TTF2: variants seen among roughly 807,000 people sequenced by gnomAD.
The protein encoded by TTF2 is RNA polymerase II termination factor.
Under a neutral mutation model 142.4 loss-of-function variants are expected in TTF2, and 108 were observed. That is an observed-to-expected ratio of 0.76 (90% CI 0.65 to 0.89). The LOEUF is 0.89. TTF2 is among the 40% of genes least tolerant of loss of function. TTF2 has a pLI of 0.00. For synonymous variants in TTF2, 483 were observed against 506.2 expected (o/e 0.95, Z 0.61); for missense variants, 1,327 against 1,379.8 (o/e 0.96, Z 0.61).
At chr1:117,096,629 T>C (rs1276014869) in intron 20 of TTF2, among the ~76,000 whole-genome samples, 3 of 152,214 alleles carry the variant, frequency 2.0e-5, no homozygotes, top group African/African-American at 7.2e-5. Flanking sequence ...CCACCTGCCT[T>C]GGCCTCCCAA....
intron 3 of TTF2, among the ~76,000 whole-genome samples, chr1:117,068,401 G>A (rs979955070): frequency 6.6e-6 from 1 of 152,036 alleles, no homozygotes; most frequent in Admixed American, 6.5e-5. Context: ...TTGTGGGGTT[G>A]GGGGAGAGGG....
At position 117,088,892 on chromosome 1, in the gene TTF2, T is replaced by C. The variant is rs1400051752; in HGVS notation, c.2252T>C (p.Ile751Thr). The change falls in exon 13 of 23, where the codon ATA becomes ACA. Residue 751 changes from isoleucine (I) to threonine (T), a missense_variant. Coordinates refer to ENST00000369466, the MANE Select transcript of TTF2 (RefSeq NM_003594.4). ...NVKNPRVQTS[I>T]AVCKLQACAR... ...AAGAATCCCCGAGTGCAGACTTCCA[T>C]AGCTGTGTGTAAGCTACAAGCCTGT... The C allele has an allele frequency of 1.2e-6, 2 of 1,614,192 alleles. No individual in the cohort carries two copies. Among genetic ancestry groups the C allele is most frequent in the African/African-American group, 1.3e-5 (1 of 75,072 alleles).
In TTF2 at chr1:117,086,574, A is replaced by T; in HGVS notation, c.2160+52A>T. On this transcript the variant is annotated intron_variant, in intron 12 of 22. Transcript: ENST00000369466. This position sits in a 1 kb window ranked among gnomAD's most constrained non-coding sequence, Gnocchi z 4.2. ...TGGAGTTGGAGCCACAGATGGTTTA[A>T]TGGGAGTCTTTCTCAGCCTCCACGA... 7.4e-7 allele frequency: 1 copy of T among 1,359,934 alleles called. No individual in the cohort carries two copies. The highest frequency in any genetic ancestry group is 1.0e-6 in the Non-Finnish European group (1 of 956,254). The allele number at this position is 1,359,934 out of a possible 1,614,324, so 84.2% of individuals were successfully genotyped here.
At chr1:117,082,734 T>C (rs61789118) in intron 10 of TTF2, among the ~76,000 whole-genome samples, 2,822 of 152,292 alleles carry the variant, frequency 0.019, 45 homozygotes, top group Admixed American at 0.029. Context: ...GGTATGCACC[T>C]GTAGTCCCAA....
Position 117,102,819 on chromosome 1 carries a change from C to T in TTF2, c.*1295C>T, listed in dbSNP as rs1649690614. On this transcript the variant is annotated 3_prime_UTR_variant, in exon 23 of 23. Transcript: ENST00000369466. ...TACAATCCAATACTAATAATACTAA[C>T]AGTAGTATTGATACAATCTAATAAA... 1 of 151,838 alleles carries T rather than the reference C, an allele frequency of 6.6e-6. No homozygotes were observed. Among genetic ancestry groups the T allele is most frequent in the African/African-American group, 2.4e-5 (1 of 41,320 alleles). The allele number at this position is 151,838 out of a possible 1,614,324, so 9.4% of individuals were successfully genotyped here.
Position 117,090,327 on chromosome 1 carries a change from G to C in TTF2, c.2496+119G>C. ...GAGCCTCTGAGTTTCCCATCCTCCT[G>C]TGAGGAGGCCCCAGGGTTGCAGTTC... On this transcript the variant is annotated intron_variant, in intron 14 of 22. Transcript: ENST00000369466. The surrounding 1 kb of genome is among the most constrained non-coding windows in gnomAD (Gnocchi z 4.8). 1 of 1,388,958 alleles carries C rather than the reference G, an allele frequency of 7.2e-7. No individual in the cohort carries two copies. Among genetic ancestry groups the C allele is most frequent in the Non-Finnish European group, 9.8e-7 (1 of 1,015,592 alleles). 86.0% of individuals were successfully genotyped at this position (1,388,958 alleles called of 1,614,324 possible).
Position 117,091,862 on chromosome 1 carries a change from C to G in TTF2, c.2717C>G (p.Ala906Gly), listed in dbSNP as rs753307000. Reference sequence around the variant, plus strand: ...GAGGAGCCTAGACACTCGGAGGCAGCAGACTCACCGAGATCCAGCACCGTC... The same window carrying G: ...GAGGAGCCTAGACACTCGGAGGCAGGAGACTCACCGAGATCCAGCACCGTC... ...GSEEPRHSEA[A>G]DSPRSSTVHI... is the part of the protein sequence containing the mutation. The change falls in exon 17 of 23, where the codon GCA (alanine) becomes GGA (glycine). Residue 906 changes from alanine (A) to glycine (G), a missense_variant. Physicochemically the swap from Ala to Gly is moderately conservative, Grantham distance 60. Transcript: ENST00000369466. The G allele has an allele frequency of 3.1e-6, 5 of 1,613,270 alleles. No individual in the cohort carries two copies. Among genetic ancestry groups the G allele is most frequent in the Non-Finnish European group, 2.5e-6 (3 of 1,179,846 alleles).
intron 15 of TTF2, 26 bp from the exon 16 acceptor site, chr1:117,091,301 AT>A (rs749599220): frequency 1.7e-5 from 27 of 1,593,110 alleles, no homozygotes; most frequent in Middle Eastern, 1.7e-4. Context: ...TTATACATGC[AT>A]TTTTTTTCTT....
At position 117,097,037 on chromosome 1, in the gene TTF2, T is replaced by G. The variant is rs1649214954; in HGVS notation, c.3187-314T>G. On this transcript the variant is annotated intron_variant, in intron 20 of 22. Transcript: ENST00000369466. This position sits in a 1 kb window ranked among gnomAD's most constrained non-coding sequence, Gnocchi z 4.1. Reference sequence around the variant, plus strand: ...GTAGGGACTGATGAAATAAACATAATCTGGTTAATTGAAAGTTTATTGAGC... The same window carrying G: ...GTAGGGACTGATGAAATAAACATAAGCTGGTTAATTGAAAGTTTATTGAGC... Among the ~76,000 whole-genome samples the G allele has an allele frequency of 6.6e-6, 1 of 152,146 alleles. No homozygotes were observed. The highest frequency in any genetic ancestry group is 6.5e-5 in the Admixed American group (1 of 15,282).
Position 117,080,522 on chromosome 1 carries a change from T to C in TTF2, c.1783+873T>C, listed in dbSNP as rs2101057014. ...GAGCCAGGTCATATTGCCAGTGCCT[T>C]AGCTGCAACAGAAACCAGAAAGCAA... On this transcript the variant is annotated intron_variant, in intron 9 of 22. Coordinates refer to ENST00000369466, the MANE Select transcript of TTF2 (RefSeq NM_003594.4). This position sits in a 1 kb window ranked among gnomAD's most constrained non-coding sequence, Gnocchi z 4.3. Among the ~76,000 whole-genome samples, 1 of 152,320 alleles carries C rather than the reference T, an allele frequency of 6.6e-6. No individual in the cohort carries two copies. Among genetic ancestry groups the C allele is most frequent in the South Asian group, 2.1e-4 (1 of 4,828 alleles).
chr1:117,074,093 G>A (rs1045105854), intron 4 of TTF2, among the ~76,000 whole-genome samples: 1 of 152,164 alleles, frequency 6.6e-6, no homozygotes, highest in African/African-American at 2.4e-5. Flanking sequence ...CTCCTAGTAT[G>A]TTAGAACTAG....
rs985953521 is a variant in TTF2, at chr1:117,085,929, G to A, written c.2055-488G>A. Among the ~76,000 whole-genome samples the A allele has an allele frequency of 3.3e-5, 5 of 152,082 alleles. No individual in the cohort carries two copies. The highest frequency in any genetic ancestry group is 1.2e-4 in the African/African-American group (5 of 41,398). On this transcript the variant is annotated intron_variant, in intron 11 of 22. Transcript: ENST00000369466. This position sits in a 1 kb window ranked among gnomAD's most constrained non-coding sequence, Gnocchi z 4.7. ...AATTTTCACAAATCCATTATAGAGT[G>A]GTGGGAGGAAAGCACCATTGATACA...
At position 117,092,641 on chromosome 1, in the gene TTF2, T is replaced by C; in HGVS notation, c.2806-90T>C. On this transcript the variant is annotated intron_variant, in intron 17 of 22. Transcript: ENST00000369466. The surrounding 1 kb of genome is among the most constrained non-coding windows in gnomAD (Gnocchi z 4.4). The stretch of plus-strand genomic sequence containing the variant: ...ACAAATTACAAGATATTTTGCTCTG[T>C]GAAGTGGTAAACAATCAAAACATCA... 1 of 1,434,716 alleles carries C rather than the reference T, an allele frequency of 7.0e-7. No individual in the cohort carries two copies. Among genetic ancestry groups the C allele is most frequent in the Non-Finnish European group, 9.5e-7 (1 of 1,057,112 alleles). 88.9% of individuals were successfully genotyped at this position (1,434,716 alleles called of 1,614,324 possible).
chr1:117,073,788 C>A lies in TTF2; in HGVS notation c.285+61C>A. ...TTAAGACTTTTAATATGCAGCATCA[C>A]CTGAAAATACCTTGAAGTTCACGTA... On this transcript the variant is annotated intron_variant, in intron 4 of 22. Coordinates refer to ENST00000369466, the MANE Select transcript of TTF2 (RefSeq NM_003594.4). This position sits in a 1 kb window ranked among gnomAD's most constrained non-coding sequence, Gnocchi z 4.4. The A allele has an allele frequency of 1.4e-6, 2 of 1,467,768 alleles. No homozygotes were observed. Among genetic ancestry groups the A allele is most frequent in the Non-Finnish European group, 9.4e-7 (1 of 1,058,738 alleles). The allele number at this position is 1,467,768 out of a possible 1,614,324, so 90.9% of individuals were successfully genotyped here.
chr1:117,073,638 A>G lies in TTF2; in HGVS notation c.219-23A>G. The G allele has an allele frequency of 1.9e-6, 3 of 1,587,148 alleles. No homozygotes were observed. Among genetic ancestry groups the G allele is most frequent in the Non-Finnish European group, 2.6e-6 (3 of 1,159,960 alleles). ...CTAATGGATTTTCATAGCCTTGATT[A>G]TTTGTGTTTTATACTTCATTAGATT... On this transcript the variant is annotated intron_variant, in intron 3 of 22. Transcript: ENST00000369466. This position sits in a 1 kb window ranked among gnomAD's most constrained non-coding sequence, Gnocchi z 4.4.
In TTF2 at chr1:117,070,523, A is replaced by T. The variant is rs766314655; in HGVS notation, c.219-3138A>T. 3.9e-5 allele frequency among the ~76,000 whole-genome samples: 6 copies of T among 152,242 alleles called. No homozygotes were observed. Among genetic ancestry groups the T allele is most frequent in the Non-Finnish European group, 7.3e-5 (5 of 68,044 alleles). On this transcript the variant is annotated intron_variant, in intron 3 of 22. Transcript: ENST00000369466. The surrounding 1 kb of genome is among the most constrained non-coding windows in gnomAD (Gnocchi z 4.2). ...GTTGACTGAAACATCATCATGCAGC[A>T]CGGGACTGTACTTATGAAATATTCT...
At chr1:117,081,474 G>A (rs542211425) in intron 9 of TTF2, among the ~76,000 whole-genome samples, 43 of 152,302 alleles carry the variant, frequency 2.8e-4, no homozygotes, top group Non-Finnish European at 5.4e-4. Flanking sequence ...TATATCTACT[G>A]GACATTTTTT....
chr1:117,087,690 G>A lies in TTF2; in HGVS notation c.2161-1111G>A, dbSNP rs1464127874. 1.3e-5 allele frequency among the ~76,000 whole-genome samples: 2 copies of A among 152,130 alleles called. No individual in the cohort carries two copies. The highest frequency in any genetic ancestry group is 1.3e-4 in the Admixed American group (2 of 15,280). On this transcript the variant is annotated intron_variant, in intron 12 of 22. Coordinates refer to ENST00000369466, the MANE Select transcript of TTF2 (RefSeq NM_003594.4). The surrounding 1 kb of genome is among the most constrained non-coding windows in gnomAD (Gnocchi z 4.8). ...GGCACCTCTTGCTCAGTCATACCAA[G>A]GGATCTGTAGTTCCCACCATGCTCT...
At position 117,075,011 on chromosome 1, in the gene TTF2, A is replaced by G. The variant is rs770722057; in HGVS notation, c.427A>G (p.Lys143Glu). 1.2e-6 allele frequency: 2 copies of G among 1,614,020 alleles called. No homozygotes were observed. Among genetic ancestry groups the G allele is most frequent in the Non-Finnish European group, 1.7e-6 (2 of 1,180,002 alleles). ...QEPALWKQLI[K>E]GEGEEKKADK... Reference sequence around the variant, plus strand: ...ACCAGCTCTCTGGAAACAGCTCATCAAAGGTGAAGGTGAGGAAAAGAAGGC... The same window carrying G: ...ACCAGCTCTCTGGAAACAGCTCATCGAAGGTGAAGGTGAGGAAAAGAAGGC... The change falls in exon 5 of 23, where the codon AAA (lysine) becomes GAA (glutamate). Residue 143 changes from lysine to glutamate, a missense_variant. Transcript: ENST00000369466. The surrounding 1 kb of genome is among the most constrained non-coding windows in gnomAD (Gnocchi z 4.5).
Sources: gnomAD v4.1 joint callset for allele counts (sites outside exome capture counted in the v4.1 genomes callset) on GRCh38, gnomAD v4.1.1 for gene constraint, Gnocchi (gnomAD v3.1) non-coding constraint, MANE v1.5 for transcripts, NCBI Gene and HGNC (gene_info 2026-07-23, HGNC 2026-07-21) for gene names.